Variants in ATP2C2 observed in about 807,000 individuals in gnomAD.
The protein encoded by ATP2C2 is calcium-transporting ATPase type 2C member 2.
In ATP2C2, 171 loss-of-function variants were observed where a neutral mutation model predicts 110.8. The observed-to-expected ratio is 1.54, with a 90% CI of 1.36 to 1.75. The LOEUF (loss-of-function observed/expected upper bound fraction) is 1.75. ATP2C2 is among the 40% of genes most tolerant of loss of function. The pLI, the probability that ATP2C2 is intolerant of heterozygous loss-of-function variation, is 0.00. For synonymous variants in ATP2C2, 804 were observed against 508.4 expected (o/e 1.58, Z -7.82); for missense variants, 1,963 against 1,235.0 (o/e 1.59, Z -8.84).
At chr16:84,459,732 A>G (rs1469502978) in intron 23 of ATP2C2, 18 of 697,242 alleles carry the variant, frequency 2.6e-5, no homozygotes, top group Non-Finnish European at 4.3e-5. Flanking sequence ...CAATCCCCTC[A>G]CCCTGCTGTA....
At chr16:84,432,203 C>G (rs1378447007) in intron 11 of ATP2C2, among the ~76,000 whole-genome samples, 1 of 152,186 alleles carries the variant, frequency 6.6e-6, no homozygotes, top group South Asian at 2.1e-4. Context: ...GATTTTCATG[C>G]ACCCATCACC....
At chr16:84,396,824 C>G (rs531204547) in intron 1 of ATP2C2, among the ~76,000 whole-genome samples, 7 of 152,008 alleles carry the variant, frequency 4.6e-5, no homozygotes, top group African/African-American at 1.7e-4. Context: ...GATGGCTAAG[C>G]CTGCTTAAAG....
At chr16:84,417,849 C>A (rs1023635285) in intron 7 of ATP2C2, among the ~76,000 whole-genome samples, 2 of 152,210 alleles carry the variant, frequency 1.3e-5, no homozygotes, top group African/African-American at 4.8e-5. Flanking sequence ...ATAGCTTTGC[C>A]TATTCAGTGG....
At chr16:84,450,531 G>A (rs1910161666) in intron 17 of ATP2C2, among the ~76,000 whole-genome samples, 1 of 152,166 alleles carries the variant, frequency 6.6e-6, no homozygotes, top group Non-Finnish European at 1.5e-5. Flanking sequence ...GCCACTAGAA[G>A]CAGGGGATGC....
intron 24 of ATP2C2, chr16:84,461,435 TCC>T: frequency 1.8e-6 from 1 of 561,264 alleles, no homozygotes; most frequent in South Asian, 2.2e-5. Flanking sequence ...TGGCATCACC[TCC>T]CAGGGAGACA....
chr16:84,385,891 G>C (rs1250995204), intron 1 of ATP2C2, among the ~76,000 whole-genome samples: 1 of 152,222 alleles, frequency 6.6e-6, no homozygotes, highest in East Asian at 1.9e-4. Flanking sequence ...TTCCAAATGA[G>C]ATTTGGGTGG....
Position 84,442,645 on chromosome 16 carries a change from G to A in ATP2C2, c.1401+46G>A, listed in dbSNP as rs1280350780. 2.5e-6 allele frequency: 4 copies of A among 1,572,276 alleles called. No homozygotes were observed. The East Asian group carries it at 9.0e-5, about 35-fold the overall frequency. On this transcript the variant is annotated intron_variant, in intron 15 of 26. Coordinates refer to ENST00000262429, the MANE Select transcript of ATP2C2 (RefSeq NM_014861.4). ...TCTGCGGGGAATTCTTTCGCTCGGGGCTGGATTCATTGGTAGAAAGCCAGC... is the reference window on the plus strand; with the variant it reads ...TCTGCGGGGAATTCTTTCGCTCGGGACTGGATTCATTGGTAGAAAGCCAGC...
At position 84,392,249 on chromosome 16, in the gene ATP2C2, G is replaced by A. The variant is rs1409421555; in HGVS notation, c.100-6250G>A. ...CTATAAATATTTCTGCATATCTATGGCTAAAGAGAAGAACTCTTTAAAATA... is the reference window on the plus strand; with the variant it reads ...CTATAAATATTTCTGCATATCTATGACTAAAGAGAAGAACTCTTTAAAATA... On this transcript the variant is annotated intron_variant, in intron 1 of 26. Transcript: ENST00000262429. 3.3e-5 allele frequency among the ~76,000 whole-genome samples: 5 copies of A among 152,118 alleles called. No homozygotes were observed. The East Asian group carries it at 7.7e-4, about 23-fold the overall frequency.
At chr16:84,383,760 T>TGTGTGTGTGTGTG (rs1246366949) in intron 1 of ATP2C2, among the ~76,000 whole-genome samples, 27 of 146,266 alleles carry the variant, frequency 1.8e-4, no homozygotes, top group East Asian at 5.9e-4. Flanking sequence ...TATGTGTGTG[T>TGTGTGTGTGTGTG]TGGGGGTGGG....
chr16:84,412,534 CTGTGTGTGTATGCGTGTGTGTGTGTG>C (rs1906459995), intron 6 of ATP2C2, among the ~76,000 whole-genome samples: 1 of 126,686 alleles, frequency 7.9e-6, no homozygotes. Flanking sequence ...GTGCATGTGT[CTGTGTGTGTATGCGTGTGTGTGTGTG>C]TGTGTGTGTA....
At chr16:84,461,065 A>C in intron 24 of ATP2C2, 1 of 453,744 alleles carries the variant, frequency 2.2e-6, no homozygotes, top group Non-Finnish European at 3.9e-6. Context: ...CGGGAGTTGA[A>C]ATGTACATGA....
At chr16:84,459,419 CTT>C (rs772443143) in intron 23 of ATP2C2, 33 bp downstream of exon 23, 22 of 1,608,938 alleles carry the variant, frequency 1.4e-5, no homozygotes, top group Non-Finnish European at 1.9e-5. Context: ...CCCTGTGTCT[CTT>C]TACCCACCTG....
At chr16:84,448,024 A>C (rs1030019806) in intron 16 of ATP2C2, among the ~76,000 whole-genome samples, 4 of 152,032 alleles carry the variant, frequency 2.6e-5, no homozygotes, top group African/African-American at 9.7e-5. Flanking sequence ...CCCCCCGTGG[A>C]GTTCATAGTC....
At chr16:84,460,455 C>T in intron 23 of ATP2C2, 199 bp from the exon 24 acceptor site, 1 of 711,544 alleles carries the variant, frequency 1.4e-6, no homozygotes, top group Non-Finnish European at 2.4e-6. Context: ...GATGGAGGGG[C>T]ACAGCTGCCC....
At chr16:84,375,408 G>A (rs1910192536) in intron 1 of ATP2C2, among the ~76,000 whole-genome samples, 1 of 152,122 alleles carries the variant, frequency 6.6e-6, no homozygotes. Flanking sequence ...GGGTGTGGTG[G>A]CATGTGCCTG....
chr16:84,437,775 C>A (rs1016004557), intron 11 of ATP2C2, among the ~76,000 whole-genome samples: 2 of 152,360 alleles, frequency 1.3e-5, no homozygotes, highest in Middle Eastern at 3.4e-3. Context: ...CTGGGCCTCC[C>A]AAAGTGCTGG....
rs576107644 is a variant in ATP2C2 at position 84,396,654 on chromosome 16, C to T, written c.100-1845C>T. 2.0e-5 allele frequency among the ~76,000 whole-genome samples: 3 copies of T among 151,712 alleles called. No individual in the cohort carries two copies. The East Asian group carries it at 5.8e-4, about 29-fold the overall frequency. Reference sequence around the variant, plus strand: ...GAGTGTGGGGGATGGGGGGAGTGCCCAGCCTGCCTCCACCTGTGGTGTGCG... The same window carrying T: ...GAGTGTGGGGGATGGGGGGAGTGCCTAGCCTGCCTCCACCTGTGGTGTGCG... On this transcript the variant is annotated intron_variant, in intron 1 of 26. Coordinates refer to ENST00000262429, the MANE Select transcript of ATP2C2 (RefSeq NM_014861.4).
chr16:84,422,526 A>T lies in ATP2C2; in HGVS notation c.761A>T (p.Tyr254Phe). The change falls in exon 8 of 27, where the codon TAT becomes TTT. Residue 254 changes from tyrosine (Y) to phenylalanine (F), a missense_variant. Transcript: ENST00000262429. ...GTCTTCATGGGGACCCTGGTGCAGT[A>T]TGGGAGGGGCCAGGTAAGCCCTGGG... ...NIVFMGTLVQ[Y>F]GRGQGVVIGT... is the part of the protein sequence containing the mutation. The T allele has an allele frequency of 4.3e-6, 7 of 1,614,000 alleles. No homozygotes were observed. Among genetic ancestry groups the T allele is most frequent in the Non-Finnish European group, 5.9e-6 (7 of 1,179,964 alleles).
intron 24 of ATP2C2, 56 bp from the exon 25 acceptor site, chr16:84,461,658 C>G: frequency 1.3e-6 from 2 of 1,515,374 alleles, no homozygotes; most frequent in East Asian, 2.3e-5. Context: ...CCCTTTGGTT[C>G]AGGATGGAGG....
Sources: gnomAD v4.1 joint callset for allele counts (sites outside exome capture counted in the v4.1 genomes callset) on GRCh38, gnomAD v4.1.1 for gene constraint, MANE v1.5 for transcripts, NCBI Gene and HGNC (gene_info 2026-07-23, HGNC 2026-07-21) for gene names.